Variants in KBTBD2 observed in about 807,000 individuals in gnomAD.
The protein encoded by KBTBD2 is kelch repeat and BTB domain containing 2, also known as kelch repeat and BTB domain-containing protein 2.
In KBTBD2, 17 loss-of-function variants were observed where a neutral mutation model predicts 57.1. That is an observed-to-expected ratio of 0.30 (90% CI 0.20 to 0.45). KBTBD2 has a LOEUF of 0.45. Ranked by LOEUF, KBTBD2 falls within the 20% of genes least tolerant of loss-of-function variation. KBTBD2 has a pLI of 1.00. For synonymous variants in KBTBD2, 267 were observed against 262.7 expected, an observed-to-expected ratio of 1.02 and a Z score of -0.16; for missense variants, 515 against 750.6, an observed-to-expected ratio of 0.69 and a Z score of 3.67.
chr7:32,887,535 A>G (rs10248993), intron 1 of KBTBD2, among the ~76,000 whole-genome samples: 42,425 of 152,082 alleles, frequency 0.28, 6,403 homozygotes, highest in African/African-American at 0.39. Context: ...AAAATAAATT[A>G]TATAGTAGGA....
intron 2 of KBTBD2, among the ~76,000 whole-genome samples, chr7:32,875,822 T>C (rs951204999): frequency 6.6e-6 from 1 of 152,138 alleles, no homozygotes; most frequent in Non-Finnish European, 1.5e-5. Flanking sequence ...AGTCCGTTTA[T>C]ATAAAACGTC....
At chr7:32,882,318 C>G (rs976550189) in intron 1 of KBTBD2, among the ~76,000 whole-genome samples, 5 of 152,172 alleles carry the variant, frequency 3.3e-5, no homozygotes, top group African/African-American at 1.2e-4. Context: ...AGACTTAAAT[C>G]ATGCCGCTAG....
At chr7:32,889,363 A>C in intron 1 of KBTBD2, among the ~76,000 whole-genome samples, 1 of 151,366 alleles carries the variant, frequency 6.6e-6, no homozygotes, top group Admixed American at 6.6e-5. Flanking sequence ...AGCACTTTGG[A>C]AGGCCGAGGT....
chr7:32,875,175 A>T lies in KBTBD2; in HGVS notation c.171-18T>A. 6.2e-7 allele frequency: 1 copy of T among 1,609,768 alleles called. No individual in the cohort carries two copies. Among genetic ancestry groups the T allele is most frequent in the Non-Finnish European group, 8.5e-7 (1 of 1,177,830 alleles). On this transcript the variant is annotated intron_variant, in intron 2 of 3. Transcript: ENST00000304056. ...ACATGGCCCTACAGGGGAGATGAAG[A>T]AAACAAAGTTGTAAGGGTTTTGTGT... is the stretch of plus-strand genomic sequence containing the variant.
chr7:32,874,860 A>G lies in KBTBD2; in HGVS notation c.336+132T>C, dbSNP rs995754771. 1.1e-5 allele frequency: 7 copies of G among 662,254 alleles called. No individual in the cohort carries two copies. In the African/African-American group the frequency reaches 1.1e-4, roughly 10 times the overall value. 41.0% of individuals were successfully genotyped at this position (662,254 alleles called of 1,614,324 possible). Reference sequence around the variant, plus strand: ...AAAATTAGCACCTGTAATCCCAGCTACTCAGGAGGCTGAGGCAGGAGAATC... The same window carrying G: ...AAAATTAGCACCTGTAATCCCAGCTGCTCAGGAGGCTGAGGCAGGAGAATC... On this transcript the variant is annotated intron_variant, in intron 3 of 3. Transcript: ENST00000304056.
chr7:32,879,031 TCTAA>T (rs1784385800), intron 2 of KBTBD2, among the ~76,000 whole-genome samples: 4 of 152,194 alleles, frequency 2.6e-5, no homozygotes, highest in Admixed American at 2.0e-4. Context: ...TCTTAACCTA[TCTAA>T]CAGCACCAAT....
Position 32,869,646 on chromosome 7 carries a change from C to G in KBTBD2, c.1571G>C (p.Cys524Ser), listed in dbSNP as rs765731526. The change falls in exon 4 of 4, where the codon TGT (cysteine) becomes TCT (serine). Residue 524 changes from cysteine to serine, a missense_variant. Cys to Ser is a moderately radical substitution (Grantham distance 112). Coordinates refer to ENST00000304056, the MANE Select transcript of KBTBD2 (RefSeq NM_015483.3). ...NIPAKRYSDP[C>S]VRAVVISNSL... is the part of the protein sequence containing the mutation. ...ATTTGAGATCACAACAGCTCTAACA[C>G]AGGGGTCAGAGTACCTCTTAGCAGG... 2.5e-6 allele frequency: 4 copies of G among 1,614,136 alleles called. No homozygotes were observed. In the South Asian group the frequency reaches 4.4e-5, roughly 18 times the overall value.
intron 3 of KBTBD2, among the ~76,000 whole-genome samples, chr7:32,872,009 A>G (rs532002458): frequency 4.6e-5 from 7 of 152,338 alleles, no homozygotes; most frequent in Non-Finnish European, 1.0e-4. Flanking sequence ...TGCCTTAGTA[A>G]TTCTGAGAAA....
chr7:32,882,947 T>C (rs984950607), intron 1 of KBTBD2, among the ~76,000 whole-genome samples: 3 of 152,154 alleles, frequency 2.0e-5, no homozygotes, highest in South Asian at 4.1e-4. Flanking sequence ...ATCGTGCCAC[T>C]GCACTCCAGC....
chr7:32,889,937 T>C (rs1471937397), intron 1 of KBTBD2, among the ~76,000 whole-genome samples: 1 of 152,244 alleles, frequency 6.6e-6, no homozygotes, highest in African/African-American at 2.4e-5. Flanking sequence ...GCTCAACATT[T>C]CTACCAACCA....
intron 1 of KBTBD2, among the ~76,000 whole-genome samples, chr7:32,888,736 C>T (rs1784646872): frequency 6.6e-6 from 1 of 151,122 alleles, no homozygotes; most frequent in African/African-American, 2.4e-5. Flanking sequence ...TTCCTCTGCT[C>T]TAGTCACATT....
At chr7:32,874,238 A>G (rs1312535626) in intron 3 of KBTBD2, among the ~76,000 whole-genome samples, 1 of 151,880 alleles carries the variant, frequency 6.6e-6, no homozygotes, top group East Asian at 1.9e-4. Context: ...ATCTCTACTA[A>G]AAATACAAAA....
At position 32,879,923 on chromosome 7, in the gene KBTBD2, C is replaced by G. The variant is rs1032820901; in HGVS notation, c.-319G>C. 3 of 251,562 alleles carry G rather than the reference C, an allele frequency of 1.2e-5. No individual in the cohort carries two copies. The highest frequency in any genetic ancestry group is 2.3e-5 in the Non-Finnish European group (3 of 132,338). 15.6% of individuals were successfully genotyped at this position (251,562 alleles called of 1,614,324 possible). A position where few individuals can be genotyped will look rare whatever the true frequency, so the allele number is the denominator to read the frequency against. The stretch of plus-strand genomic sequence containing the variant: ...AGATTTTGTGGCAACATCCTATGTT[C>G]AGCGGATCCTGTGGAGTAACTAAAA... On this transcript the variant is annotated 5_prime_UTR_variant, in exon 2 of 4. Transcript: ENST00000304056.
intron 1 of KBTBD2, among the ~76,000 whole-genome samples, chr7:32,886,515 T>C (rs897283481): frequency 2.6e-5 from 4 of 152,208 alleles, no homozygotes; most frequent in Admixed American, 2.0e-4. Flanking sequence ...ACTTAAAGTA[T>C]TGGGAGGATA....
intron 2 of KBTBD2, among the ~76,000 whole-genome samples, chr7:32,877,382 G>A (rs1269590681): frequency 1.3e-5 from 2 of 152,196 alleles, no homozygotes; most frequent in Non-Finnish European, 2.9e-5. Context: ...GAAGTGCTGA[G>A]TAATTCTCAA....
intron 1 of KBTBD2, among the ~76,000 whole-genome samples, chr7:32,886,993 A>C (rs1784596897): frequency 6.6e-6 from 1 of 152,138 alleles, no homozygotes. Flanking sequence ...ATAGATGTCT[A>C]ATTTCACTTT....
At chr7:32,882,006 T>C (rs1277192670) in intron 1 of KBTBD2, among the ~76,000 whole-genome samples, 2 of 152,164 alleles carry the variant, frequency 1.3e-5, no homozygotes, top group Non-Finnish European at 2.9e-5. Context: ...CAACTATGAA[T>C]GGTGTCAAAA....
At chr7:32,875,707 A>G (rs1784296461) in intron 2 of KBTBD2, among the ~76,000 whole-genome samples, 1 of 152,242 alleles carries the variant, frequency 6.6e-6, no homozygotes, top group Non-Finnish European at 1.5e-5. Flanking sequence ...AATAATACTC[A>G]GCAATAAAAA....
intron 1 of KBTBD2, among the ~76,000 whole-genome samples, chr7:32,891,334 G>A (rs1483770379): frequency 5.4e-5 from 8 of 147,484 alleles, no homozygotes; most frequent in Admixed American, 1.3e-4. Flanking sequence ...CCGCCGCGGG[G>A]TGCGGAGGGC....
Sources: allele counts gnomAD v4.1 joint callset (sites outside exome capture counted in the v4.1 genomes callset), GRCh38; gene constraint gnomAD v4.1.1; transcripts MANE v1.5; gene names NCBI Gene and HGNC (gene_info 2026-07-23, HGNC 2026-07-21).